STK10: variants seen among roughly 807,000 people sequenced by gnomAD.
STK10 encodes serine/threonine-protein kinase 10.
In STK10, 78 loss-of-function variants were observed where a neutral mutation model predicts 113.8. The observed-to-expected ratio is 0.69, with a 90% CI of 0.57 to 0.83. The LOEUF is 0.83. Ranked by LOEUF, STK10 falls within the 40% of genes least tolerant of loss-of-function variation. The pLI, the probability that STK10 is intolerant of heterozygous loss-of-function variation, is 0.00. For synonymous variants in STK10, 465 were observed against 494.7 expected, an observed-to-expected ratio of 0.94 and a Z score of 0.80; for missense variants, 1,109 against 1,280.1, an observed-to-expected ratio of 0.87 and a Z score of 2.04.
chr5:172,073,793 CAAAAA>C (rs60492751), intron 12 of STK10, among the ~76,000 whole-genome samples: 10 of 58,450 alleles, frequency 1.7e-4, no homozygotes, highest in African/African-American at 5.6e-4. Context: ...CTAAAAATAG[CAAAAA>C]AAAAAAAAAA....
chr5:172,076,566 C>T (rs1384164889), intron 12 of STK10, among the ~76,000 whole-genome samples: 1 of 152,184 alleles, frequency 6.6e-6, no homozygotes, highest in East Asian at 1.9e-4. Flanking sequence ...TGCTCAATGC[C>T]AGTAGCACTG....
chr5:172,051,085 G>GA (rs1248111517), intron 18 of STK10, among the ~76,000 whole-genome samples: 355 of 141,558 alleles, frequency 2.5e-3, no homozygotes, highest in South Asian at 4.7e-3. Flanking sequence ...TCCGTCTCAG[G>GA]AAAAAAAAAA....
intron 2 of STK10, among the ~76,000 whole-genome samples, chr5:172,148,339 C>T (rs988682514): frequency 6.6e-6 from 1 of 151,974 alleles, no homozygotes; most frequent in Non-Finnish European, 1.5e-5. Flanking sequence ...GGGAGGTGCC[C>T]GGAGAGTACT....
At chr5:172,100,206 G>C (rs892012830) in intron 7 of STK10, among the ~76,000 whole-genome samples, 1 of 152,200 alleles carries the variant, frequency 6.6e-6, no homozygotes, top group Non-Finnish European at 1.5e-5. Context: ...TATGCTGCAA[G>C]GGAGAATCCT....
At chr5:172,182,298 G>A (rs1403947392) in intron 1 of STK10, among the ~76,000 whole-genome samples, 2 of 113,904 alleles carry the variant, frequency 1.8e-5, no homozygotes, top group Non-Finnish European at 3.4e-5. Flanking sequence ...GCTAGACTCT[G>A]TCTCAGAGGG....
intron 1 of STK10, among the ~76,000 whole-genome samples, chr5:172,168,609 G>A (rs570252791): frequency 1.3e-5 from 2 of 152,268 alleles, no homozygotes; most frequent in East Asian, 3.9e-4. Context: ...GCAGGGCAAC[G>A]AGCAGCCCGC....
chr5:172,146,357 G>A (rs1230567017), intron 2 of STK10, among the ~76,000 whole-genome samples: 1 of 152,154 alleles, frequency 6.6e-6, no homozygotes, highest in Non-Finnish European at 1.5e-5. Flanking sequence ...TTATCATGAC[G>A]GGGACAGAGG....
At chr5:172,091,340 T>C (rs1297848892) in intron 9 of STK10, among the ~76,000 whole-genome samples, 1 of 152,144 alleles carries the variant, frequency 6.6e-6, no homozygotes, top group African/African-American at 2.4e-5. Context: ...TTACGCATAA[T>C]CGTCATCTTT....
intron 3 of STK10, among the ~76,000 whole-genome samples, chr5:172,124,876 A>G (rs576125422): frequency 1.2e-4 from 18 of 147,910 alleles, no homozygotes; most frequent in African/African-American, 4.3e-4. Context: ...GGTCTTTAGT[A>G]TATATATATT....
chr5:172,115,652 A>G (rs1219311279), intron 4 of STK10, among the ~76,000 whole-genome samples: 1 of 152,208 alleles, frequency 6.6e-6, no homozygotes, highest in Non-Finnish European at 1.5e-5. Context: ...TTAAGCACGT[A>G]GGCTCTGGAC....
chr5:172,127,192 A>G (rs1030049195), intron 3 of STK10, among the ~76,000 whole-genome samples, 181 bp downstream of exon 3: 1 of 152,108 alleles, frequency 6.6e-6, no homozygotes, highest in Non-Finnish European at 1.5e-5. Flanking sequence ...AGAAAGAAAA[A>G]AAGAACCCAC....
chr5:172,071,973 G>A (rs1200513068), intron 12 of STK10, among the ~76,000 whole-genome samples: 4 of 152,084 alleles, frequency 2.6e-5, no homozygotes, highest in Non-Finnish European at 2.9e-5. Flanking sequence ...ACCACAGATC[G>A]ATATCCTTCA....
chr5:172,047,756 A>G (rs1391102476), intron 18 of STK10, among the ~76,000 whole-genome samples: 1 of 152,180 alleles, frequency 6.6e-6, no homozygotes, highest in Non-Finnish European at 1.5e-5. Context: ...ATTAAGAGTA[A>G]CTTGGGCAGT....
At chr5:172,128,825 A>AAC (rs1769684703) in intron 2 of STK10, among the ~76,000 whole-genome samples, 1 of 152,222 alleles carries the variant, frequency 6.6e-6, no homozygotes, top group South Asian at 2.1e-4. Flanking sequence ...ACAGGAAAGA[A>AAC]ACTCTCAACC....
intron 2 of STK10, among the ~76,000 whole-genome samples, chr5:172,132,176 A>G (rs565385446): frequency 6.6e-6 from 1 of 152,320 alleles, no homozygotes; most frequent in South Asian, 2.1e-4. Flanking sequence ...TAATAATCTC[A>G]ATGCTTTAGG....
At chr5:172,059,546 T>C (rs916576821) in intron 14 of STK10, among the ~76,000 whole-genome samples, 1 of 151,462 alleles carries the variant, frequency 6.6e-6, no homozygotes, top group African/African-American at 2.4e-5. Context: ...GCCATAGAGA[T>C]GGAAGACCCA....
intron 12 of STK10, among the ~76,000 whole-genome samples, chr5:172,069,492 C>T (rs971469071): frequency 2.6e-5 from 4 of 152,124 alleles, no homozygotes; most frequent in Non-Finnish European, 5.9e-5. Flanking sequence ...GAAAATATGA[C>T]TATTTTAGTC....
intron 12 of STK10, among the ~76,000 whole-genome samples, chr5:172,080,611 A>G (rs932249344): frequency 5.9e-5 from 9 of 152,136 alleles, no homozygotes; most frequent in African/African-American, 2.2e-4. Flanking sequence ...CAGCTATAAC[A>G]CTCCCTTATG....
intron 2 of STK10, among the ~76,000 whole-genome samples, chr5:172,139,493 G>GA (rs551856973): frequency 0.017 from 1,786 of 106,484 alleles, 11 homozygotes; most frequent in Middle Eastern, 0.039. Context: ...CCCATCTCTG[G>GA]AAAAAAAAAA....
Sources: gnomAD v4.1 joint callset for allele counts (sites outside exome capture counted in the v4.1 genomes callset) on GRCh38, gnomAD v4.1.1 for gene constraint, MANE v1.5 for transcripts, NCBI Gene and HGNC (gene_info 2026-07-23, HGNC 2026-07-21) for gene names.